MYO9A: variants seen among roughly 807,000 people sequenced by gnomAD.
The protein encoded by MYO9A is myosin IXA, also known as unconventional myosin-IXa.
In MYO9A, 103 loss-of-function variants were observed where a neutral mutation model predicts 293.3. The ratio of observed to expected loss-of-function variants is 0.35; its 90% CI spans 0.30 to 0.41. The LOEUF (loss-of-function observed/expected upper bound fraction) is 0.41. Among genes scored for constraint, MYO9A ranks in the 10% least tolerant of loss-of-function variants. MYO9A has a pLI of 1.00. For missense variants in MYO9A, 2,685 were observed against 3,033.0 expected (o/e 0.89, Z 2.69); for synonymous variants, 1,001 against 1,035.7 (o/e 0.97, Z 0.64).
At chr15:71,853,057 G>A (rs964451068) in intron 35 of MYO9A, among the ~76,000 whole-genome samples, 2 of 152,204 alleles carry the variant, frequency 1.3e-5, no homozygotes, top group African/African-American at 2.4e-5. Flanking sequence ...TCACACCATT[G>A]TACTACAGCC....
At chr15:72,020,834 G>T in intron 5 of MYO9A, 84 bp downstream of exon 5, 1 of 761,096 alleles carries the variant, frequency 1.3e-6, no homozygotes, top group South Asian at 3.3e-5. Context: ...TCCTAGGTTT[G>T]AGAAAGTACT....
intron 18 of MYO9A, among the ~76,000 whole-genome samples, chr15:71,929,435 A>G (rs943906747): frequency 6.6e-6 from 1 of 152,194 alleles, no homozygotes; most frequent in Non-Finnish European, 1.5e-5. Context: ...GGCTTGTCAC[A>G]TATCGCCTAA....
At chr15:71,938,750 C>A in intron 16 of MYO9A, 102 bp downstream of exon 16, 1 of 977,446 alleles carries the variant, frequency 1.0e-6, no homozygotes, top group South Asian at 1.9e-5. Context: ...AAAAACAAAA[C>A]AAGCCTGAAT....
At chr15:71,959,776 C>T in intron 14 of MYO9A, 125 bp downstream of exon 14, 1 of 823,160 alleles carries the variant, frequency 1.2e-6, no homozygotes, top group Non-Finnish European at 1.9e-6. Context: ...AGATTGACTA[C>T]AGAAGCAGGA....
intron 9 of MYO9A, among the ~76,000 whole-genome samples, chr15:71,995,553 T>C (rs1056970668): frequency 1.4e-5 from 2 of 142,446 alleles, no homozygotes; most frequent in East Asian, 2.0e-4. Flanking sequence ...TTAGAAAGCA[T>C]AAATTTACAA....
intron 6 of MYO9A, among the ~76,000 whole-genome samples, chr15:72,012,524 C>G (rs1257329570): frequency 6.6e-6 from 1 of 152,094 alleles, no homozygotes; most frequent in African/African-American, 2.4e-5. Flanking sequence ...TCTCAAACTC[C>G]TGACCTCAGG....
At position 71,908,103 on chromosome 15, in the gene MYO9A, T is replaced by C. The variant is rs533681108; in HGVS notation, c.2686-3097A>G. On this transcript the variant is annotated intron_variant, in intron 19 of 41. Coordinates refer to ENST00000356056, the MANE Select transcript of MYO9A (RefSeq NM_006901.4). The stretch of plus-strand genomic sequence containing the variant: ...GTCTAACGTTTAAGTCTTTAATCCA[T>C]CTTGAAATGATTTTTGTATAAGGTG... Among the ~76,000 whole-genome samples, 11 of 152,362 alleles carry C rather than the reference T, an allele frequency of 7.2e-5. No individual in the cohort carries two copies. In the South Asian group the frequency reaches 1.9e-3, roughly 26 times the overall value.
At chr15:71,994,699 A>T (rs976672445) in intron 9 of MYO9A, 114 bp from the exon 10 acceptor site, 2 of 592,204 alleles carry the variant, frequency 3.4e-6, no homozygotes, top group African/African-American at 3.8e-5. Context: ...TTAGAAATGA[A>T]TTTTTCTCTC....
chr15:72,111,594 T>G (rs2151134404), intron 1 of MYO9A, among the ~76,000 whole-genome samples: 1 of 152,046 alleles, frequency 6.6e-6, no homozygotes, highest in South Asian at 2.1e-4. Context: ...CATAAAAATT[T>G]TTTTAACTCC....
chr15:72,045,746 A>G lies in MYO9A; in HGVS notation c.818T>C (p.Leu273Pro), dbSNP rs1445624835. Residue 273 changes from leucine (L) to proline (P), a missense_variant, in exon 2 of 42, where the codon CTT becomes CCT. Physicochemically the swap from Leu to Pro is moderately conservative, Grantham distance 98 (BLOSUM62 -3). This residue lies in a region of MYO9A where 289 missense variants were observed against 456.8 expected (regional missense o/e 0.63). Coordinates refer to ENST00000356056, the MANE Select transcript of MYO9A (RefSeq NM_006901.4). The stretch of plus-strand genomic sequence containing the variant: ...TACCTCAAGTACTGGTCCAGCTCCA[A>G]GAATAATCTGTTCTACTCCACTGGC... ...GFASGVEQII[L>P]GAGPVLEAFG... The G allele has an allele frequency of 6.2e-7, 1 of 1,604,552 alleles. No homozygotes were observed. The highest frequency in any genetic ancestry group is 8.5e-7 in the Non-Finnish European group (1 of 1,176,232).
rs1046599688 is a variant in MYO9A at position 72,100,399 on chromosome 15, G to A, written c.-72+17281C>T. 3.2e-4 allele frequency among the ~76,000 whole-genome samples: 49 copies of A among 152,284 alleles called. No homozygotes were observed. The East Asian group carries it at 9.3e-3, about 29-fold the overall frequency. On this transcript the variant is annotated intron_variant, in intron 1 of 41. Coordinates refer to ENST00000356056, the MANE Select transcript of MYO9A (RefSeq NM_006901.4). ...GCTACAACCCCGTCTGGGAAGTGAG[G>A]AGCGTCTCTGCCTGGCCACCCATCG...
intron 15 of MYO9A, among the ~76,000 whole-genome samples, chr15:71,939,283 G>A (rs2058712155): frequency 6.6e-6 from 1 of 152,130 alleles, no homozygotes; most frequent in African/African-American, 2.4e-5. Flanking sequence ...ACGGGGGTTT[G>A]TTGTGCAGAT....
chr15:72,101,642 G>T (rs1371602395), intron 1 of MYO9A, among the ~76,000 whole-genome samples: 1 of 140,346 alleles, frequency 7.1e-6, no homozygotes, highest in African/African-American at 2.7e-5. Flanking sequence ...GAGGGAGGTG[G>T]GGGGGTCAGG....
At chr15:71,916,532 T>C (rs1321754419) in intron 18 of MYO9A, 40 bp from the exon 19 acceptor site, 1 of 1,579,230 alleles carries the variant, frequency 6.3e-7, no homozygotes, top group Admixed American at 1.9e-5. Flanking sequence ...CATAAATTAA[T>C]CTAACAATAA....
chr15:71,994,192 T>A (rs1207407079), intron 10 of MYO9A, among the ~76,000 whole-genome samples: 3 of 152,046 alleles, frequency 2.0e-5, no homozygotes, highest in Admixed American at 2.0e-4. Flanking sequence ...GTAAAAAAAA[T>A]ACATATATTT....
chr15:71,887,309 C>T (rs1419253266), intron 27 of MYO9A, among the ~76,000 whole-genome samples: 1 of 152,068 alleles, frequency 6.6e-6, no homozygotes, highest in Non-Finnish European at 1.5e-5. Flanking sequence ...ATGTGCCACC[C>T]CAAAATATTC....
At chr15:71,910,168 G>GTATATATATATACGTGTATATATATA (rs2057803095) in intron 19 of MYO9A, among the ~76,000 whole-genome samples, 1 of 128,330 alleles carries the variant, frequency 7.8e-6, no homozygotes, top group African/African-American at 2.9e-5. Context: ...ATATATACGT[G>GTATATATATATACGTGTATATATATA]TATATATATA....
intron 40 of MYO9A, 46 bp downstream of exon 40, chr15:71,830,063 C>T: frequency 6.3e-7 from 1 of 1,582,452 alleles, no homozygotes; most frequent in African/African-American, 1.4e-5. Context: ...AGGAAGGAAA[C>T]AAAAACAGAC....
At chr15:71,969,185 C>T (rs887608098) in intron 12 of MYO9A, among the ~76,000 whole-genome samples, 2 of 152,188 alleles carry the variant, frequency 1.3e-5, no homozygotes, top group African/African-American at 2.4e-5. Flanking sequence ...CAACCGCAGG[C>T]ATCCTCTAGG....
Sources: allele counts gnomAD v4.1 joint callset (sites outside exome capture counted in the v4.1 genomes callset), GRCh38; gene constraint gnomAD v4.1.1; regional missense constraint gnomAD v4.1.1; transcripts MANE v1.5; gene names NCBI Gene and HGNC (gene_info 2026-07-23, HGNC 2026-07-21).